FSTL5: variants seen among roughly 807,000 people sequenced by gnomAD.
The protein encoded by FSTL5 is follistatin like 5.
Under a neutral mutation model 89.1 loss-of-function variants are expected in FSTL5, and 62 were observed. That is an observed-to-expected ratio of 0.70 (90% CI 0.57 to 0.86). The LOEUF is 0.86. Ranked by LOEUF, FSTL5 falls within the 40% of genes least tolerant of loss-of-function variation. FSTL5 has a pLI of 0.00. For synonymous variants in FSTL5, 383 were observed against 346.2 expected (o/e 1.11, Z -1.18); for missense variants, 1,057 against 1,001.6 (o/e 1.06, Z -0.75).
At chr4:161,590,245 C>A (rs151335380) in intron 7 of FSTL5, among the ~76,000 whole-genome samples, 284 of 151,916 alleles carry the variant, frequency 1.9e-3, no homozygotes, top group African/African-American at 5.8e-3. Context: ...ATTCAACAAT[C>A]AAAAAGCAAA....
intron 4 of FSTL5, among the ~76,000 whole-genome samples, chr4:161,857,479 TG>T (rs1731757631): frequency 6.6e-6 from 1 of 152,176 alleles, no homozygotes; most frequent in African/African-American, 2.4e-5. Context: ...CTTATCTGGC[TG>T]GAATGCTACC....
At chr4:162,021,962 G>A (rs62329597) in intron 3 of FSTL5, among the ~76,000 whole-genome samples, 57,325 of 151,698 alleles carry the variant, frequency 0.38, 11,093 homozygotes, top group Middle Eastern at 0.54. Context: ...GTGGTGGCGG[G>A]TGCCTGTAAT....
At chr4:162,133,611 CA>C (rs1732406793) in intron 1 of FSTL5, among the ~76,000 whole-genome samples, 1 of 152,000 alleles carries the variant, frequency 6.6e-6, no homozygotes, top group African/African-American at 2.4e-5. Flanking sequence ...CCTTATTGTA[CA>C]TAAGGTGAGT....
At chr4:161,479,831 C>A (rs903703169) in intron 13 of FSTL5, among the ~76,000 whole-genome samples, 5 of 152,138 alleles carry the variant, frequency 3.3e-5, no homozygotes, top group Admixed American at 1.3e-4. Context: ...GAAGTGCCAG[C>A]TCTTCATAGA....
intron 6 of FSTL5, among the ~76,000 whole-genome samples, chr4:161,675,027 T>A (rs1317012503): frequency 1.3e-5 from 2 of 152,038 alleles, no homozygotes; most frequent in Admixed American, 6.6e-5. Context: ...ACTAATAGCA[T>A]ACCAATAGAC....
At chr4:161,829,138 T>TA (rs1369308556) in intron 4 of FSTL5, among the ~76,000 whole-genome samples, 49 of 60,798 alleles carry the variant, frequency 8.1e-4, no homozygotes, top group South Asian at 1.8e-3. Context: ...TCAGTCACAT[T>TA]TTATATATAT....
intron 6 of FSTL5, among the ~76,000 whole-genome samples, chr4:161,736,608 G>A (rs1381486665): frequency 1.3e-5 from 2 of 152,052 alleles, no homozygotes; most frequent in African/African-American, 4.8e-5. Flanking sequence ...TCATGCAAAC[G>A]AATTTTCCAG....
intron 10 of FSTL5, among the ~76,000 whole-genome samples, chr4:161,526,759 A>T (rs1731233902): frequency 6.6e-6 from 1 of 152,048 alleles, no homozygotes; most frequent in Non-Finnish European, 1.5e-5. Context: ...ATAGTTGTAG[A>T]TATGCGGTGT....
intron 12 of FSTL5, among the ~76,000 whole-genome samples, chr4:161,491,839 CAAAA>C (rs11356806): frequency 3.3e-5 from 4 of 122,772 alleles, no homozygotes; most frequent in Admixed American, 1.6e-4. Context: ...GACTCTGTCT[CAAAA>C]AAAAAAAAAA....
At chr4:161,988,800 T>A (rs574205277) in intron 3 of FSTL5, among the ~76,000 whole-genome samples, 1 of 152,246 alleles carries the variant, frequency 6.6e-6, no homozygotes, top group African/African-American at 2.4e-5. Flanking sequence ...AATAATGAAA[T>A]AACCCCTTAC....
intron 3 of FSTL5, among the ~76,000 whole-genome samples, chr4:162,002,971 C>T (rs940897428): frequency 2.0e-5 from 3 of 151,818 alleles, no homozygotes; most frequent in Non-Finnish European, 4.4e-5. Context: ...AGTGAAACCC[C>T]GTCTCTAATA....
chr4:161,872,148 T>TG (rs1560892309), intron 4 of FSTL5, among the ~76,000 whole-genome samples: 1 of 135,786 alleles, frequency 7.4e-6, no homozygotes, highest in South Asian at 2.4e-4. Flanking sequence ...TTGGTTTTTT[T>TG]TTTTTTTTTT....
intron 4 of FSTL5, among the ~76,000 whole-genome samples, chr4:161,916,272 T>A (rs979872366): frequency 6.6e-6 from 1 of 152,178 alleles, no homozygotes; most frequent in Non-Finnish European, 1.5e-5. Flanking sequence ...TTGACTCTCA[T>A]AAAAGGTTTA....
intron 2 of FSTL5, among the ~76,000 whole-genome samples, chr4:162,110,509 C>T (rs779829708): frequency 2.6e-4 from 40 of 151,618 alleles, no homozygotes; most frequent in Admixed American, 5.9e-4. Flanking sequence ...AAGTTGAATA[C>T]GAAATTTTAC....
intron 6 of FSTL5, among the ~76,000 whole-genome samples, chr4:161,706,749 G>T (rs1426610916): frequency 1.3e-5 from 2 of 152,020 alleles, no homozygotes; most frequent in Non-Finnish European, 2.9e-5. Context: ...CCTTTTAGGA[G>T]ATCACAGTTA....
chr4:161,576,494 C>T (rs1275562857), intron 8 of FSTL5, among the ~76,000 whole-genome samples: 1 of 152,106 alleles, frequency 6.6e-6, no homozygotes, highest in Admixed American at 6.6e-5. Context: ...TGGGACAGAA[C>T]AGAGACCTCA....
At chr4:161,896,768 G>C (rs978616337) in intron 4 of FSTL5, among the ~76,000 whole-genome samples, 1 of 152,032 alleles carries the variant, frequency 6.6e-6, no homozygotes, top group African/African-American at 2.4e-5. Flanking sequence ...ATTCCCTTAA[G>C]ACCTTATGGA....
intron 2 of FSTL5, among the ~76,000 whole-genome samples, chr4:162,059,788 G>T (rs142159769): frequency 5.3e-5 from 8 of 152,052 alleles, no homozygotes; most frequent in African/African-American, 1.7e-4. Flanking sequence ...AAATTTAAGT[G>T]GACTCTGTGG....
intron 1 of FSTL5, among the ~76,000 whole-genome samples, chr4:162,138,999 A>G (rs1732623698): frequency 6.6e-6 from 1 of 152,138 alleles, no homozygotes; most frequent in Admixed American, 6.5e-5. Context: ...AAATTTATCA[A>G]TATTCCTCAA....
Sources: gnomAD v4.1 joint callset for allele counts (sites outside exome capture counted in the v4.1 genomes callset) on GRCh38, gnomAD v4.1.1 for gene constraint, MANE v1.5 for transcripts, NCBI Gene and HGNC (gene_info 2026-07-23, HGNC 2026-07-21) for gene names.